HYDIN: variants seen among roughly 807,000 people sequenced by gnomAD.
The protein encoded by HYDIN is HYDIN axonemal central pair apparatus protein, also known as axonemal central pair apparatus protein HYDIN.
Under a neutral mutation model 403.9 loss-of-function variants are expected in HYDIN, and 132 were observed. The ratio of observed to expected loss-of-function variants is 0.33; its 90% CI spans 0.28 to 0.38. HYDIN has a LOEUF of 0.38. HYDIN is among the 10% of genes least tolerant of loss of function. The pLI, the probability that HYDIN is intolerant of heterozygous loss-of-function variation, is 1.00. For synonymous variants in HYDIN, 1,202 were observed against 1,891.7 expected, an observed-to-expected ratio of 0.64 and a Z score of 9.46; for missense variants, 2,827 against 5,009.5, an observed-to-expected ratio of 0.56 and a Z score of 13.15.
chr16:71,156,275 T>C (rs966405990), intron 6 of HYDIN, among the ~76,000 whole-genome samples: 1 of 152,194 alleles, frequency 6.6e-6, no homozygotes, highest in Non-Finnish European at 1.5e-5. Flanking sequence ...TTACACAAAC[T>C]TCTTCAGTAG....
At chr16:71,135,297 G>C (rs1467965300) in intron 8 of HYDIN, among the ~76,000 whole-genome samples, 1 of 151,824 alleles carries the variant, frequency 6.6e-6, no homozygotes, top group Non-Finnish European at 1.5e-5. Context: ...AGTGTCAGGG[G>C]AGGTGAAGTG....
chr16:71,150,502 T>C (rs1265256645), intron 7 of HYDIN, among the ~76,000 whole-genome samples: 1 of 151,982 alleles, frequency 6.6e-6, no homozygotes, highest in Non-Finnish European at 1.5e-5. Context: ...ATAATGCATA[T>C]GGGGAAACAA....
chr16:71,229,116 T>C (rs1230667277), intron 1 of HYDIN, among the ~76,000 whole-genome samples: 1 of 121,400 alleles, frequency 8.2e-6, no homozygotes, highest in South Asian at 2.6e-4. Context: ...TGAGAACACT[T>C]GGACACAGGA....
At chr16:70,958,886 G>GCTTT in intron 39 of HYDIN, among the ~76,000 whole-genome samples, 1 of 148,360 alleles carries the variant, frequency 6.7e-6, no homozygotes, top group Non-Finnish European at 1.5e-5. Flanking sequence ...CTGCTCTGCC[G>GCTTT]CTTTCTAACT....
At chr16:70,908,592 G>T (rs559831733) in intron 48 of HYDIN, 61 bp downstream of exon 48, 212 of 1,500,008 alleles carry the variant, frequency 1.4e-4, no homozygotes, top group Non-Finnish European at 1.7e-4. Flanking sequence ...TGCTGTGACA[G>T]TCACACCCTC....
intron 27 of HYDIN, among the ~76,000 whole-genome samples, chr16:70,986,287 A>AC (rs1464408706): frequency 6.7e-6 from 1 of 149,734 alleles, no homozygotes; most frequent in Non-Finnish European, 1.5e-5. Context: ...AACATAATTC[A>AC]CCAGCTGGGT....
Position 71,152,573 on chromosome 16 carries a change from C to T in HYDIN, c.841+86G>A, listed in dbSNP as rs1237357107. ...TATCATTCTTATGCCTTTGCATCCT[C>T]GTAGCTTGGTTCCCACTTATGAGTG... On this transcript the variant is annotated intron_variant, in intron 7 of 85. Coordinates refer to ENST00000393567, the MANE Select transcript of HYDIN (RefSeq NM_001270974.2). 32 of 860,816 alleles carry T rather than the reference C, an allele frequency of 3.7e-5. No homozygotes were observed. The Middle Eastern group carries it at 7.9e-4, about 21-fold the overall frequency. The allele number at this position is 860,816 out of a possible 1,614,324, so 53.3% of individuals were successfully genotyped here. A position where few individuals can be genotyped will look rare whatever the true frequency, so the allele number is the denominator to read the frequency against.
intron 36 of HYDIN, among the ~76,000 whole-genome samples, chr16:70,965,891 C>G (rs2143965488): frequency 6.6e-6 from 1 of 152,196 alleles, no homozygotes; most frequent in East Asian, 1.9e-4. Context: ...TAGTAATAGA[C>G]AGAGTGGCAA....
intron 37 of HYDIN, among the ~76,000 whole-genome samples, chr16:70,964,002 C>G (rs1408618970): frequency 9.8e-6 from 1 of 102,236 alleles, no homozygotes; most frequent in African/African-American, 6.2e-5. Context: ...AAGGTGGGTA[C>G]ATTTCTAAGA....
intron 25 of HYDIN, among the ~76,000 whole-genome samples, chr16:70,990,094 G>A (rs1486814869): frequency 1.3e-5 from 2 of 152,222 alleles, no homozygotes; most frequent in East Asian, 3.9e-4. Context: ...AAGTAAAAGA[G>A]TTAATGTAAA....
At position 71,017,350 on chromosome 16, in the gene HYDIN, C is replaced by CAA. The variant is rs57153160; in HGVS notation, c.3644+777_3644+778dup. Among the ~76,000 whole-genome samples, 418 of 108,610 alleles carry CAA rather than the reference C, an allele frequency of 3.8e-3. 2 individuals carry two copies. Among genetic ancestry groups the CAA allele is most frequent in the African/African-American group, 0.012 (316 of 25,346 alleles). The allele number at this position is 108,610 out of a possible 152,430, so 71.3% of individuals were successfully genotyped here. A position where few individuals can be genotyped will look rare whatever the true frequency, so the allele number is the denominator to read the frequency against. On this transcript the variant is annotated intron_variant, in intron 23 of 85. Transcript: ENST00000393567. ...GGGCGACAAGAGCGAAACTCTGTCT[C>CAA]AAAAAAAAAAAAAAAAAAAGTGTTT...
intron 13 of HYDIN, chr16:71,075,900 A>C (rs564697127): frequency 1.1e-3 from 331 of 313,218 alleles, no homozygotes; most frequent in African/African-American, 6.7e-3. Flanking sequence ...ATATTCTCAT[A>C]CCTGCCTGGG....
chr16:71,106,230 T>C (rs1291710872), intron 10 of HYDIN, among the ~76,000 whole-genome samples: 1 of 151,890 alleles, frequency 6.6e-6, no homozygotes, highest in Non-Finnish European at 1.5e-5. Context: ...TGCAATTCTT[T>C]GCCACTTCAT....
chr16:71,182,776 A>G (rs1429110360), intron 3 of HYDIN, among the ~76,000 whole-genome samples: 1 of 152,096 alleles, frequency 6.6e-6, no homozygotes, highest in Non-Finnish European at 1.5e-5. Context: ...CTTTTTTCCT[A>G]GAAGAAGTCA....
intron 2 of HYDIN, among the ~76,000 whole-genome samples, chr16:71,186,192 C>A (rs1455402627): frequency 6.6e-6 from 1 of 152,074 alleles, no homozygotes; most frequent in Admixed American, 6.6e-5. Context: ...TGAATACTAT[C>A]CCTGGCACTA....
chr16:70,803,520 T>C lies in HYDIN; in HGVS notation c.*4060A>G, dbSNP rs2034983185. Among the ~76,000 whole-genome samples, 1 of 152,256 alleles carries C rather than the reference T, an allele frequency of 6.6e-6. No individual in the cohort carries two copies. On this transcript the variant is annotated 3_prime_UTR_variant, in exon 86 of 86. Coordinates refer to ENST00000393567, the MANE Select transcript of HYDIN (RefSeq NM_001270974.2). ...CACAGTTACAATTCATCTGCATCTG[T>C]GTGATGCTTGGTTGTTATGCTAGAA...
rs367676479 is a variant in HYDIN, at chr16:70,894,460, C to G, written c.9237G>C (p.Glu3079Asp). 3.8e-6 allele frequency: 6 copies of G among 1,592,462 alleles called. No homozygotes were observed. Among genetic ancestry groups the G allele is most frequent in the Non-Finnish European group, 5.1e-6 (6 of 1,172,460 alleles). The change falls in exon 55 of 86, where the codon GAG becomes GAC. Residue 3079 changes from glutamate to aspartate, a missense_variant. By Grantham distance (45) the Glu-to-Asp change is conservative. Transcript: ENST00000393567. Reference protein sequence around the residue: ...PLQLKNRGKYEIAFSFSVDSV... With the variant: ...PLQLKNRGKYDIAFSFSVDSV... ...GGGATTCCAGTTACCTGAACGCGAT[C>G]TCATATTTCCCACGGTTCTTCAATT...
chr16:71,182,841 C>G (rs958389307), intron 3 of HYDIN, among the ~76,000 whole-genome samples: 1 of 151,872 alleles, frequency 6.6e-6, no homozygotes, highest in Non-Finnish European at 1.5e-5. Context: ...ACTGGGAGCT[C>G]TAATATTTAG....
At chr16:71,180,481 AAAAC>A (rs1248747971) in intron 3 of HYDIN, among the ~76,000 whole-genome samples, 1 of 152,094 alleles carries the variant, frequency 6.6e-6, no homozygotes, top group Non-Finnish European at 1.5e-5. Context: ...AAAGAAAAGA[AAAAC>A]AAAAAAATGA....
Sources: allele counts gnomAD v4.1 joint callset (sites outside exome capture counted in the v4.1 genomes callset), GRCh38; gene constraint gnomAD v4.1.1; transcripts MANE v1.5; gene names NCBI Gene and HGNC (gene_info 2026-07-23, HGNC 2026-07-21).